PXN: variants seen among roughly 807,000 people sequenced by gnomAD.
The protein encoded by PXN is paxillin.
Under a neutral mutation model 103.6 loss-of-function variants are expected in PXN, and 61 were observed. The observed-to-expected ratio is 0.59, with a 90% CI of 0.48 to 0.73. The LOEUF is 0.73. PXN is among the 30% of genes least tolerant of loss of function. The probability of loss-of-function intolerance (pLI) is 0.00; values close to 1 mark genes in which losing one functional copy is unlikely to be tolerated. For synonymous variants in PXN, 562 were observed against 607.8 expected (o/e 0.92, Z 1.11); for missense variants, 1,274 against 1,460.3 (o/e 0.87, Z 2.08).
At chr12:120,233,470 A>G (rs946601408) in intron 1 of PXN, among the ~76,000 whole-genome samples, 3 of 152,034 alleles carry the variant, frequency 2.0e-5, no homozygotes, top group African/African-American at 4.8e-5. Context: ...CACCTGGCTA[A>G]TTTTTGTATT....
At position 120,224,422 on chromosome 12, in the gene PXN, G is replaced by C; in HGVS notation, c.14-45C>G. The C allele has an allele frequency of 6.9e-7, 1 of 1,457,722 alleles. No individual in the cohort carries two copies. Among genetic ancestry groups the C allele is most frequent in the Middle Eastern group, 1.7e-4 (1 of 5,764 alleles). The allele number at this position is 1,457,722 out of a possible 1,614,324, so 90.3% of individuals were successfully genotyped here. On this transcript the variant is annotated intron_variant, in intron 1 of 14. Coordinates refer to ENST00000637617, the MANE Select transcript of PXN (RefSeq NM_001385981.1). This position sits in a 1 kb window ranked among gnomAD's most constrained non-coding sequence, Gnocchi z 5.0. ...GTAGCAGGTGAGAACCGGGATCCTG[G>C]GGACTCTCCCGTGGCAGGGCCCTCC...
intron 1 of PXN, among the ~76,000 whole-genome samples, chr12:120,262,965 G>A (rs1313439369): frequency 6.6e-6 from 1 of 152,160 alleles, no homozygotes; most frequent in Non-Finnish European, 1.5e-5. Context: ...AGCACATGGT[G>A]AGTCTGTCAT....
At chr12:120,237,452 C>G (rs964121368) in intron 1 of PXN, among the ~76,000 whole-genome samples, 1 of 152,174 alleles carries the variant, frequency 6.6e-6, no homozygotes, top group Non-Finnish European at 1.5e-5. Flanking sequence ...CCATGACCAT[C>G]AGCCCCACCC....
chr12:120,212,232 C>T lies in PXN; in HGVS notation c.*82G>A. Reference sequence around the variant, plus strand: ...CCAGTTTCAGTCGGGTTTACCCCTTCACCCCCGGGTGAAGTCTCTAGGTCA... The same window carrying T: ...CCAGTTTCAGTCGGGTTTACCCCTTTACCCCCGGGTGAAGTCTCTAGGTCA... On this transcript the variant is annotated 3_prime_UTR_variant, in exon 15 of 15. Transcript: ENST00000637617. The surrounding 1 kb of genome is among the most constrained non-coding windows in gnomAD (Gnocchi z 7.2). 3.3e-6 allele frequency: 5 copies of T among 1,537,806 alleles called. No individual in the cohort carries two copies. The South Asian group carries it at 6.1e-5, about 19-fold the overall frequency.
rs1566360108 is a variant in PXN at position 120,215,613 on chromosome 12, CG to C, written c.2349del (p.Gly784AlafsTer52). ...QRADGERCWA[A>X]GWPRDGGRSS... is the part of the protein sequence containing the mutation. ...CTCCGCCCGCCGTCCCGAGGCCAGC[CG>C]GCCGCCCAGCACCGCTCCCCATCCG... On this transcript the variant is annotated frameshift_variant, in exon 10 of 15. Coordinates refer to ENST00000637617, the MANE Select transcript of PXN (RefSeq NM_001385981.1). LOFTEE classifies it high-confidence loss of function. This position sits in a 1 kb window ranked among gnomAD's most constrained non-coding sequence, Gnocchi z 4.9. 2 of 1,611,352 alleles carry C rather than the reference CG, an allele frequency of 1.2e-6. No individual in the cohort carries two copies. Among genetic ancestry groups the C allele is most frequent in the East Asian group, 2.2e-5 (1 of 44,824 alleles).
rs748374932 is a variant in PXN, at chr12:120,250,952, C to T, written c.13+14665G>A. Among the ~76,000 whole-genome samples, 85 of 152,212 alleles carry T rather than the reference C, an allele frequency of 5.6e-4. 1 individual carries two copies. The highest frequency in any genetic ancestry group is 2.4e-4 in the Non-Finnish European group (16 of 68,040). On this transcript the variant is annotated intron_variant, in intron 1 of 14. Transcript: ENST00000637617. Reference sequence around the variant, plus strand: ...GGTGCAATGGCTCACGTCTGTAATCCCAACACTTTGGGAGGCCGAGGTGAG... The same window carrying T: ...GGTGCAATGGCTCACGTCTGTAATCTCAACACTTTGGGAGGCCGAGGTGAG...
chr12:120,247,348 C>G (rs1186729751), intron 1 of PXN: 1 of 152,230 alleles, frequency 6.6e-6, no homozygotes, highest in African/African-American at 2.4e-5. Flanking sequence ...AGGGAGCCAG[C>G]TGGCAGCTGC....
rs1190770677 is a variant in PXN, at chr12:120,252,573, C to T, written c.13+13044G>A. Among the ~76,000 whole-genome samples, 4 of 152,094 alleles carry T rather than the reference C, an allele frequency of 2.6e-5. No individual in the cohort carries two copies. In the East Asian group the frequency reaches 7.7e-4, roughly 29 times the overall value. On this transcript the variant is annotated intron_variant, in intron 1 of 14. Coordinates refer to ENST00000637617, the MANE Select transcript of PXN (RefSeq NM_001385981.1). ...TCAGAAGTCAAATGTAATTCAGAGA[C>T]TGCAATACAAGATACCCCCTAGATC...
rs1310187857 is a variant in PXN at position 120,221,384 on chromosome 12, G to A, written c.831+239C>T. 1.3e-5 allele frequency among the ~76,000 whole-genome samples: 2 copies of A among 152,136 alleles called. No homozygotes were observed. Among genetic ancestry groups the A allele is most frequent in the Non-Finnish European group, 2.9e-5 (2 of 68,026 alleles). ...CCAGGGAGGAAGGAATGTCCCAGCT[G>A]AGCACTTCTCCAGCTTGTCTGCCTT... On this transcript the variant is annotated intron_variant, in intron 6 of 14. Transcript: ENST00000637617. This position sits in a 1 kb window ranked among gnomAD's most constrained non-coding sequence, Gnocchi z 6.6.
intron 1 of PXN, among the ~76,000 whole-genome samples, chr12:120,231,875 T>A (rs1393546448): frequency 6.6e-6 from 1 of 152,224 alleles, no homozygotes; most frequent in African/African-American, 2.4e-5. Context: ...GGCTCCTGGC[T>A]GCAGCCACTT....
In PXN at chr12:120,212,305, G is replaced by C. The variant is rs750611347; in HGVS notation, c.*9C>G. 4 of 1,609,608 alleles carry C rather than the reference G, an allele frequency of 2.5e-6. No homozygotes were observed. The Admixed American group carries it at 6.7e-5, about 27-fold the overall frequency. On this transcript the variant is annotated 3_prime_UTR_variant, in exon 15 of 15. Transcript: ENST00000637617. This position sits in a 1 kb window ranked among gnomAD's most constrained non-coding sequence, Gnocchi z 7.2. ...CTGGGGAAGGGGGGCAGAGACAGGG[G>C]CAGGGCACCTAGCAGAAGAGCTTGA...
chr12:120,221,808 T>C lies in PXN; in HGVS notation c.696-50A>G. 6.6e-7 allele frequency: 1 copy of C among 1,510,834 alleles called. No individual in the cohort carries two copies. The highest frequency in any genetic ancestry group is 8.9e-7 in the Non-Finnish European group (1 of 1,126,374). The allele number at this position is 1,510,834 out of a possible 1,614,324, so 93.6% of individuals were successfully genotyped here. On this transcript the variant is annotated intron_variant, in intron 5 of 14. Coordinates refer to ENST00000637617, the MANE Select transcript of PXN (RefSeq NM_001385981.1). The surrounding 1 kb of genome is among the most constrained non-coding windows in gnomAD (Gnocchi z 6.6). ...GGGGAGCCCACAGTCAGCCCCACAC[T>C]TCCCGGGGATCAGATCGACCTCTCA...
intron 1 of PXN, among the ~76,000 whole-genome samples, chr12:120,227,428 G>A (rs1887108814): frequency 6.6e-6 from 1 of 152,224 alleles, no homozygotes; most frequent in Non-Finnish European, 1.5e-5. Flanking sequence ...TTGAGCCCAG[G>A]AGGTCAAGAC....
chr12:120,224,946 C>T lies in PXN; in HGVS notation c.14-569G>A, dbSNP rs1330294792. 1.4e-5 allele frequency: 5 copies of T among 348,638 alleles called. No homozygotes were observed. Among genetic ancestry groups the T allele is most frequent in the Middle Eastern group, 1.1e-3 (1 of 946 alleles). 21.6% of individuals were successfully genotyped at this position (348,638 alleles called of 1,614,324 possible). A position where few individuals can be genotyped will look rare whatever the true frequency, so the allele number is the denominator to read the frequency against. On this transcript the variant is annotated intron_variant, in intron 1 of 14. Coordinates refer to ENST00000637617, the MANE Select transcript of PXN (RefSeq NM_001385981.1). The surrounding 1 kb of genome is among the most constrained non-coding windows in gnomAD (Gnocchi z 5.0). ...CTCTAGGCTTATGGGGTAAGGTGTG[C>T]GGGGAGGTGGGGGCTGGAGTGAGGC...
In PXN at chr12:120,214,888, A is replaced by T. The variant is rs1414951337; in HGVS notation, c.2685T>A (p.Cys895Ter). 1 of 1,613,820 alleles carries T rather than the reference A, an allele frequency of 6.2e-7. No individual in the cohort carries two copies. The highest frequency in any genetic ancestry group is 8.5e-7 in the Non-Finnish European group (1 of 1,179,870). The change falls in exon 12 of 15, where the codon TGT becomes TGA. Residue 895 changes from cysteine (C) to a stop codon, truncating the protein, a stop_gained. Coordinates refer to ENST00000637617, the MANE Select transcript of PXN (RefSeq NM_001385981.1). LOFTEE classifies it high-confidence loss of function. This position sits in a 1 kb window ranked among gnomAD's most constrained non-coding sequence, Gnocchi z 5.0. ...NFFERDGQPY[C>*]EKDYHNLFSP... Reference sequence around the variant, plus strand: ...AGAAGAGGTTGTGGTAGTCCTTTTCACAGTAGGGCTGTCCATCCCGCTCGA... The same window carrying T: ...AGAAGAGGTTGTGGTAGTCCTTTTCTCAGTAGGGCTGTCCATCCCGCTCGA...
Position 120,213,873 on chromosome 12 carries a change from G to C in PXN, c.2948C>G (p.Thr983Arg). 5 of 1,611,586 alleles carry C rather than the reference G, an allele frequency of 3.1e-6. No homozygotes were observed. Among genetic ancestry groups the C allele is most frequent in the South Asian group, 1.1e-5 (1 of 90,476 alleles). ...CACAAAGCACTCAGGATGCCACAGCGTGTTGAGGGCTGAGATATAGTTCTC... is the reference window on the plus strand; with the variant it reads ...CACAAAGCACTCAGGATGCCACAGCCTGTTGAGGGCTGAGATATAGTTCTC... Reference protein sequence around the residue: ...ILENYISALNTLWHPECFVCR... With the variant: ...ILENYISALNRLWHPECFVCR... Residue 983 changes from threonine to arginine, a missense_variant, in exon 14 of 15, where the codon ACG becomes AGG. By Grantham distance (71) the Thr-to-Arg change is moderately conservative. Transcript: ENST00000637617. This position sits in a 1 kb window ranked among gnomAD's most constrained non-coding sequence, Gnocchi z 4.2.
rs750019938 is a variant in PXN, at chr12:120,217,057, C to G, written c.1776G>C (p.Glu592Asp). Residue 592 changes from glutamate (E) to aspartate (D), a missense_variant, in exon 8 of 15, where the codon GAG becomes GAC. Physicochemically the swap from Glu to Asp is conservative, Grantham distance 45 (BLOSUM62 2). Around this residue, in one of 2 missense-constraint regions of PXN, gnomAD observed 1,178 missense variants for 1,309.0 expected, o/e 0.90. Coordinates refer to ENST00000637617, the MANE Select transcript of PXN (RefSeq NM_001385981.1). This position sits in a 1 kb window ranked among gnomAD's most constrained non-coding sequence, Gnocchi z 4.1. ...GGTCCAGCCGGCGGCGAGGGGAGGG[C>G]TCCCGGGACATGGGGTGTGCGTGGC... ...ESGHAHPMSR[E>D]PSPRRRLDPA... The G allele has an allele frequency of 1.6e-5, 25 of 1,591,464 alleles. No homozygotes were observed. The highest frequency in any genetic ancestry group is 2.1e-5 in the Non-Finnish European group (25 of 1,177,290).
chr12:120,247,242 C>T (rs151125207), intron 1 of PXN, among the ~76,000 whole-genome samples: 1 of 152,308 alleles, frequency 6.6e-6, no homozygotes, highest in Non-Finnish European at 1.5e-5. Flanking sequence ...AAGAAACATA[C>T]TTTACATATA....
chr12:120,223,789 G>A lies in PXN; in HGVS notation c.285C>T (p.Ser95=), dbSNP rs770668389. Residue 95 remains serine (S), a synonymous_variant, in exon 3 of 15, where the codon TCC becomes TCT. Transcript: ENST00000637617. ...SPVYGSSAKT[S]SVSNPQDSVG... is the part of the protein sequence containing the mutation. Reference sequence around the variant, plus strand: ...CACTGTCCTGAGGGTTGGAGACACTGGAAGTTTTGGCACTGGAGCCGTACA... The same window carrying A: ...CACTGTCCTGAGGGTTGGAGACACTAGAAGTTTTGGCACTGGAGCCGTACA... 2.5e-6 allele frequency: 4 copies of A among 1,610,322 alleles called. No homozygotes were observed. In the Admixed American group the frequency reaches 6.7e-5, roughly 27 times the overall value.
Sources: allele counts gnomAD v4.1 joint callset (sites outside exome capture counted in the v4.1 genomes callset), GRCh38; gene constraint gnomAD v4.1.1; regional missense constraint gnomAD v4.1.1; non-coding constraint Gnocchi (gnomAD v3.1); transcripts MANE v1.5; gene names NCBI Gene and HGNC (gene_info 2026-07-23, HGNC 2026-07-21).